CTNND2: variants seen among roughly 807,000 people sequenced by gnomAD.
CTNND2 encodes the protein catenin delta-2.
CTNND2 carries 22 observed loss-of-function variants against 144.4 expected under a neutral mutation model. The observed-to-expected ratio is 0.15, with a 90% CI of 0.11 to 0.22. The LOEUF is 0.22. Ranked by LOEUF, CTNND2 falls within the 10% of genes least tolerant of loss-of-function variation. The pLI is 1.00. For missense variants in CTNND2, 1,353 were observed against 1,618.8 expected (o/e 0.84, Z 2.82); for synonymous variants, 751 against 695.6 (o/e 1.08, Z -1.25).
At chr5:11,329,232 T>A (rs1006059013) in intron 9 of CTNND2, among the ~76,000 whole-genome samples, 29 of 152,322 alleles carry the variant, frequency 1.9e-4, no homozygotes, top group African/African-American at 6.3e-4. Context: ...CTTGGCTCAC[T>A]GCAACCTCTA....
chr5:11,445,979 TTTTTG>T (rs1251417255), intron 3 of CTNND2, among the ~76,000 whole-genome samples: 1 of 152,182 alleles, frequency 6.6e-6, no homozygotes, highest in Non-Finnish European at 1.5e-5. Context: ...TTTTGTTTGT[TTTTTG>T]TTTTGAGATG....
At chr5:11,836,027 T>C (rs921522999) in intron 1 of CTNND2, among the ~76,000 whole-genome samples, 4 of 152,210 alleles carry the variant, frequency 2.6e-5, no homozygotes, top group African/African-American at 9.6e-5. Context: ...TTAATTTTCA[T>C]TCACTTGAAT....
At position 11,470,980 on chromosome 5, in the gene CTNND2, A is replaced by ATT. The variant is rs1171276873; in HGVS notation, c.288-58913_288-58912dup. On this transcript the variant is annotated intron_variant, in intron 3 of 21. Coordinates refer to ENST00000304623, the MANE Select transcript of CTNND2 (RefSeq NM_001332.4). ...TATATATATATATATATATATATAT[A>ATT]TTTTTTTTTTTTTTTTAGATGGAGT... 4.1e-3 allele frequency among the ~76,000 whole-genome samples: 374 copies of ATT among 91,494 alleles called. 7 individuals are homozygous for ATT. Among genetic ancestry groups the ATT allele is most frequent in the African/African-American group, 0.014 (243 of 17,386 alleles). The allele number at this position is 91,494 out of a possible 152,430, so 60.0% of individuals were successfully genotyped here.
At chr5:11,746,039 C>G (rs183506250) in intron 1 of CTNND2, among the ~76,000 whole-genome samples, 123 of 152,304 alleles carry the variant, frequency 8.1e-4, no homozygotes, top group Admixed American at 1.3e-3. Flanking sequence ...ACCACTGACA[C>G]AGAGGATAGA....
At chr5:11,445,227 T>C (rs1056585850) in intron 3 of CTNND2, among the ~76,000 whole-genome samples, 1 of 152,254 alleles carries the variant, frequency 6.6e-6, no homozygotes, top group South Asian at 2.1e-4. Flanking sequence ...CACTTCAATT[T>C]CTACCTCCTG....
chr5:11,839,459 T>G lies in CTNND2; in HGVS notation c.37+64358A>C, dbSNP rs1794341903. Among the ~76,000 whole-genome samples the G allele has an allele frequency of 1.3e-5, 2 of 152,068 alleles. 1 individual carries two copies. The highest frequency in any genetic ancestry group is 4.2e-4 in the South Asian group (2 of 4,818). On this transcript the variant is annotated intron_variant, in intron 1 of 21. Coordinates refer to ENST00000304623, the MANE Select transcript of CTNND2 (RefSeq NM_001332.4). The stretch of plus-strand genomic sequence containing the variant: ...AATGACAATTTTTTTTTTAAACTAT[T>G]GCTGTCTATCATGGCTCCAGGGATT...
At chr5:11,028,771 C>A (rs896465232) in intron 16 of CTNND2, among the ~76,000 whole-genome samples, 1 of 152,180 alleles carries the variant, frequency 6.6e-6, no homozygotes, top group Non-Finnish European at 1.5e-5. Flanking sequence ...TGCACTGGTG[C>A]AATTTCAGCT....
intron 1 of CTNND2, among the ~76,000 whole-genome samples, chr5:11,844,946 G>A (rs1416629147): frequency 2.0e-5 from 3 of 152,064 alleles, no homozygotes; most frequent in Non-Finnish European, 2.9e-5. Flanking sequence ...ACTGGCGGAG[G>A]GGGGCAGGGG....
At chr5:11,674,037 C>A (rs919163465) in intron 2 of CTNND2, among the ~76,000 whole-genome samples, 2 of 152,214 alleles carry the variant, frequency 1.3e-5, no homozygotes, top group South Asian at 4.1e-4. Context: ...TAAGTTAATA[C>A]CAGAAAAAGT....
intron 3 of CTNND2, among the ~76,000 whole-genome samples, chr5:11,440,189 C>T (rs1764142049): frequency 6.6e-6 from 1 of 152,170 alleles, no homozygotes; most frequent in South Asian, 2.1e-4. Context: ...TATTCCTTTT[C>T]ATCTCCACCT....
chr5:11,739,123 T>C (rs527633829), intron 1 of CTNND2, among the ~76,000 whole-genome samples: 13 of 152,296 alleles, frequency 8.5e-5, no homozygotes, highest in African/African-American at 2.2e-4. Context: ...GGGTACACTA[T>C]TGAACAGTGA....
chr5:11,213,271 G>A (rs971422795), intron 10 of CTNND2, among the ~76,000 whole-genome samples: 2 of 152,104 alleles, frequency 1.3e-5, no homozygotes, highest in Admixed American at 1.3e-4. Flanking sequence ...TGGGATCCCA[G>A]AGGCTGAGCA....
At chr5:11,381,821 G>T in intron 7 of CTNND2, among the ~76,000 whole-genome samples, 2 of 151,974 alleles carry the variant, frequency 1.3e-5, no homozygotes, top group Admixed American at 6.6e-5. Flanking sequence ...CAAAAAATTA[G>T]CCAGGCGTGG....
intron 10 of CTNND2, among the ~76,000 whole-genome samples, chr5:11,217,954 T>C (rs1260254818): frequency 6.6e-6 from 1 of 152,154 alleles, no homozygotes; most frequent in Non-Finnish European, 1.5e-5. Flanking sequence ...TGAGAGCTTC[T>C]TGTTGTTTGG....
intron 2 of CTNND2, among the ~76,000 whole-genome samples, chr5:11,724,596 T>C (rs9312783): frequency 6.6e-6 from 1 of 152,076 alleles, no homozygotes; most frequent in African/African-American, 2.4e-5. Flanking sequence ...TGGCCAACAG[T>C]GCTACAGTGG....
intron 9 of CTNND2, among the ~76,000 whole-genome samples, chr5:11,340,018 T>C (rs888359771): frequency 6.6e-6 from 1 of 152,198 alleles, no homozygotes; most frequent in Non-Finnish European, 1.5e-5. Flanking sequence ...TTTGGGTGGG[T>C]GGACAGGGCA....
At chr5:11,282,246 C>T (rs187870962) in intron 9 of CTNND2, among the ~76,000 whole-genome samples, 9 of 152,256 alleles carry the variant, frequency 5.9e-5, no homozygotes, top group Admixed American at 2.0e-4. Context: ...TGCTTCTCGT[C>T]TGACATTTCT....
At chr5:11,454,651 C>T (rs1323857426) in intron 3 of CTNND2, among the ~76,000 whole-genome samples, 2 of 151,028 alleles carry the variant, frequency 1.3e-5, no homozygotes, top group Admixed American at 6.6e-5. Flanking sequence ...GGCTGCAGTG[C>T]AGTGGCACGA....
chr5:11,304,964 GCTT>G (rs1486701559), intron 9 of CTNND2, among the ~76,000 whole-genome samples: 39 of 152,078 alleles, frequency 2.6e-4, no homozygotes, highest in Non-Finnish European at 2.4e-4. Context: ...TTGCTTGCTT[GCTT>G]GCTTGCTGAA....
Sources: allele counts gnomAD v4.1 joint callset (sites outside exome capture counted in the v4.1 genomes callset), GRCh38; gene constraint gnomAD v4.1.1; transcripts MANE v1.5; gene names NCBI Gene and HGNC (gene_info 2026-07-23, HGNC 2026-07-21).